Variants in KCNIP4 observed in about 807,000 individuals in gnomAD.
The protein encoded by KCNIP4 is potassium voltage-gated channel interacting protein 4, also known as Kv channel-interacting protein 4.
A neutral mutation model predicts 34.0 loss-of-function variants in KCNIP4; 12 were observed. That is an observed-to-expected ratio of 0.35 (90% CI 0.23 to 0.57). KCNIP4 has a LOEUF of 0.57. Among genes scored for constraint, KCNIP4 ranks in the 20% least tolerant of loss-of-function variants. The pLI is 0.83. For synonymous variants in KCNIP4, 124 were observed against 102.2 expected (o/e 1.21, Z -1.29); for missense variants, 238 against 311.7 (o/e 0.76, Z 1.78).
intron 1 of KCNIP4, among the ~76,000 whole-genome samples, chr4:21,136,509 C>T (rs915737606): frequency 3.9e-5 from 6 of 152,156 alleles, no homozygotes; most frequent in African/African-American, 1.4e-4. Flanking sequence ...TTACAGTGTG[C>T]TGAATCTTGA....
intron 1 of KCNIP4, among the ~76,000 whole-genome samples, chr4:21,652,923 C>A (rs947522241): frequency 6.6e-6 from 1 of 152,134 alleles, no homozygotes; most frequent in African/African-American, 2.4e-5. Flanking sequence ...TCATCCATTG[C>A]TGGGCAACAG....
intron 1 of KCNIP4, among the ~76,000 whole-genome samples, chr4:21,668,236 G>C (rs1017650136): frequency 3.9e-5 from 6 of 152,134 alleles, no homozygotes; most frequent in African/African-American, 1.4e-4. Context: ...TTGGGCAGTT[G>C]GGGGTGAGGA....
chr4:21,792,740 C>G (rs1720377771), intron 1 of KCNIP4, among the ~76,000 whole-genome samples: 1 of 152,292 alleles, frequency 6.6e-6, no homozygotes, highest in East Asian at 1.9e-4. Context: ...ATTTGTATTC[C>G]CAGGTTTAAC....
At chr4:21,102,003 C>A (rs563194945) in intron 1 of KCNIP4, among the ~76,000 whole-genome samples, 25 of 152,076 alleles carry the variant, frequency 1.6e-4, no homozygotes, top group Middle Eastern at 6.8e-3. Context: ...GTCAGGAGGC[C>A]CAAGTGTACC....
intron 3 of KCNIP4, among the ~76,000 whole-genome samples, chr4:20,817,965 A>C (rs1716621792): frequency 6.6e-6 from 1 of 152,178 alleles, no homozygotes; most frequent in South Asian, 2.1e-4. Context: ...TGTGGGTAAA[A>C]AAATTATTCT....
intron 3 of KCNIP4, among the ~76,000 whole-genome samples, chr4:20,775,547 A>T (rs1756301473): frequency 1.3e-5 from 2 of 151,628 alleles, no homozygotes; most frequent in Non-Finnish European, 2.9e-5. Context: ...AAAAAAAAAA[A>T]AAAAAAAAAA....
intron 1 of KCNIP4, among the ~76,000 whole-genome samples, chr4:21,495,920 C>G (rs1373701605): frequency 1.3e-5 from 2 of 152,194 alleles, no homozygotes; most frequent in Non-Finnish European, 2.9e-5. Flanking sequence ...GTAAATAACT[C>G]TAGCTCACCT....
chr4:21,706,212 A>T (rs1369165640), intron 1 of KCNIP4, among the ~76,000 whole-genome samples: 1 of 152,178 alleles, frequency 6.6e-6, no homozygotes, highest in East Asian at 1.9e-4. Context: ...TATTTCAGAG[A>T]TGTTTGAGCA....
chr4:20,864,442 G>T (rs6835474), intron 2 of KCNIP4, among the ~76,000 whole-genome samples: 2 of 151,194 alleles, frequency 1.3e-5, no homozygotes, highest in Non-Finnish European at 2.9e-5. Context: ...CCCCATCAGC[G>T]TACTATAAAT....
chr4:21,747,071 G>C (rs533169632), intron 1 of KCNIP4, among the ~76,000 whole-genome samples: 4 of 152,230 alleles, frequency 2.6e-5, no homozygotes, highest in African/African-American at 9.6e-5. Flanking sequence ...ATTAAGCGTA[G>C]CTCAACAGGT....
chr4:21,029,966 C>G (rs1450055913), intron 1 of KCNIP4, among the ~76,000 whole-genome samples: 1 of 152,112 alleles, frequency 6.6e-6, no homozygotes, highest in African/African-American at 2.4e-5. Context: ...ATTGAGTTCT[C>G]TTGATAAAAA....
intron 1 of KCNIP4, among the ~76,000 whole-genome samples, chr4:21,946,414 C>G (rs1020559217): frequency 4.6e-5 from 7 of 152,066 alleles, no homozygotes; most frequent in African/African-American, 1.7e-4. Context: ...TATAAATAGC[C>G]TACTTATTGG....
chr4:21,285,939 A>C (rs1763096874), intron 1 of KCNIP4, among the ~76,000 whole-genome samples: 1 of 152,234 alleles, frequency 6.6e-6, no homozygotes, highest in Admixed American at 6.5e-5. Flanking sequence ...TTCTAAAGAT[A>C]GCATGACTTA....
intron 5 of KCNIP4, among the ~76,000 whole-genome samples, chr4:20,747,176 A>C (rs1466524104): frequency 6.6e-6 from 1 of 152,174 alleles, no homozygotes; most frequent in Non-Finnish European, 1.5e-5. Context: ...AATGTTATGC[A>C]TGGTTCCATA....
At chr4:21,545,549 C>G (rs926134348) in intron 1 of KCNIP4, among the ~76,000 whole-genome samples, 1 of 152,096 alleles carries the variant, frequency 6.6e-6, no homozygotes, top group Non-Finnish European at 1.5e-5. Flanking sequence ...CCCAAACCCA[C>G]GACAGGCCCG....
In KCNIP4 at chr4:21,519,425, C is replaced by CATATGTGTGTATGTGTATGTGTATATAT. The variant is rs1560479390; in HGVS notation, c.61+429145_61+429146insATATATACACATACACATACACACATAT. On this transcript the variant is annotated intron_variant, in intron 1 of 8. Coordinates refer to ENST00000382152, the MANE Select transcript of KCNIP4 (RefSeq NM_025221.6). ...GTGTGTATATGTATGTGTATATATA[C>CATATGTGTGTATGTGTATGTGTATATAT]ACATATGTGTGTATATGTATGTGTA... Among the ~76,000 whole-genome samples the CATATGTGTGTATGTGTATGTGTATATAT allele has an allele frequency of 3.1e-4, 27 of 87,676 alleles. 2 individuals are homozygous for CATATGTGTGTATGTGTATGTGTATATAT. Among genetic ancestry groups the CATATGTGTGTATGTGTATGTGTATATAT allele is most frequent in the African/African-American group, 8.9e-4 (25 of 28,096 alleles). The allele number at this position is 87,676 out of a possible 152,430, so 57.5% of individuals were successfully genotyped here.
At chr4:21,425,380 A>AT (rs1202002468) in intron 1 of KCNIP4, among the ~76,000 whole-genome samples, 2 of 152,110 alleles carry the variant, frequency 1.3e-5, no homozygotes, top group East Asian at 3.9e-4. Flanking sequence ...ACACTATAGT[A>AT]TTTTTTATAA....
chr4:20,950,262 T>G (rs545520174), intron 1 of KCNIP4, among the ~76,000 whole-genome samples: 2 of 152,198 alleles, frequency 1.3e-5, no homozygotes, highest in South Asian at 4.2e-4. Context: ...ACCAGGAAGA[T>G]CTAGCTGTAG....
chr4:21,826,355 T>C (rs1395454448), intron 1 of KCNIP4, among the ~76,000 whole-genome samples: 2 of 152,304 alleles, frequency 1.3e-5, no homozygotes, highest in East Asian at 3.9e-4. Flanking sequence ...AGTAAGACTC[T>C]GGAAATATTT....
Sources: gnomAD v4.1 joint callset for allele counts (sites outside exome capture counted in the v4.1 genomes callset) on GRCh38, gnomAD v4.1.1 for gene constraint, MANE v1.5 for transcripts, NCBI Gene and HGNC (gene_info 2026-07-23, HGNC 2026-07-21) for gene names.